RALY: variants seen among roughly 807,000 people sequenced by gnomAD.
RALY encodes the protein RALY heterogeneous nuclear ribonucleoprotein, also known as RNA-binding protein Raly.
In RALY, 15 loss-of-function variants were observed where a neutral mutation model predicts 30.7. The ratio of observed to expected loss-of-function variants is 0.49; its 90% CI spans 0.33 to 0.75. RALY has a LOEUF of 0.75. Among genes scored for constraint, RALY ranks in the 30% least tolerant of loss-of-function variants. RALY has a pLI of 0.02. For synonymous variants in RALY, 177 were observed against 170.8 expected (o/e 1.04, Z -0.28); for missense variants, 339 against 414.3 (o/e 0.82, Z 1.58).
chr20:34,030,540 G>T (rs764390121), intron 1 of RALY, among the ~76,000 whole-genome samples: 26 of 152,198 alleles, frequency 1.7e-4, no homozygotes, highest in Non-Finnish European at 2.6e-4. Context: ...TTGAAAGTTT[G>T]TCTCAGCTAG....
At chr20:34,026,658 C>A (rs899381391) in intron 1 of RALY, among the ~76,000 whole-genome samples, 2 of 151,924 alleles carry the variant, frequency 1.3e-5, no homozygotes, top group Admixed American at 6.6e-5. Context: ...GATCCGCCCG[C>A]CTTGGCCTCT....
chr20:34,011,938 C>T (rs747147899), intron 1 of RALY, among the ~76,000 whole-genome samples: 9 of 152,134 alleles, frequency 5.9e-5, no homozygotes, highest in Non-Finnish European at 1.2e-4. Context: ...TAGTGGCGCA[C>T]GCCTGTAGTC....
intron 2 of RALY, among the ~76,000 whole-genome samples, chr20:34,056,204 T>A (rs1466192980): frequency 6.6e-6 from 1 of 152,200 alleles, no homozygotes; most frequent in Non-Finnish European, 1.5e-5. Context: ...ATATTATTCA[T>A]TAAATGTGGG....
At chr20:34,072,741 C>G (rs1265036800) in intron 3 of RALY, among the ~76,000 whole-genome samples, 1 of 152,174 alleles carries the variant, frequency 6.6e-6, no homozygotes, top group South Asian at 2.1e-4. Context: ...GGTGTCATGT[C>G]CATGTGATAT....
chr20:34,020,656 C>T (rs2031784610), intron 1 of RALY, among the ~76,000 whole-genome samples: 1 of 152,210 alleles, frequency 6.6e-6, no homozygotes, highest in Admixed American at 6.5e-5. Flanking sequence ...AACACAGCCA[C>T]ACTCATTTGT....
chr20:34,013,926 C>T (rs577945555), intron 1 of RALY, among the ~76,000 whole-genome samples: 77 of 152,228 alleles, frequency 5.1e-4, no homozygotes, highest in African/African-American at 1.8e-3. Flanking sequence ...TGACAGTGCG[C>T]TTTAAAGAAG....
intron 1 of RALY, among the ~76,000 whole-genome samples, chr20:34,005,120 T>C (rs1235907676): frequency 6.6e-6 from 1 of 152,130 alleles, no homozygotes. Context: ...TCGCGGGGTG[T>C]TTGTCAAGAT....
At chr20:34,015,255 T>C (rs1301489894) in intron 1 of RALY, 2 of 152,224 alleles carry the variant, frequency 1.3e-5, no homozygotes, top group Non-Finnish European at 2.9e-5. Context: ...TTTACTTTTC[T>C]TCCTATTCTT....
At chr20:34,045,693 C>T (rs1035456382) in intron 2 of RALY, among the ~76,000 whole-genome samples, 1 of 152,234 alleles carries the variant, frequency 6.6e-6, no homozygotes, top group African/African-American at 2.4e-5. Context: ...ATTTTCTTCT[C>T]CCTCATGTAG....
At chr20:34,020,966 A>G (rs1263239225) in intron 1 of RALY, among the ~76,000 whole-genome samples, 5 of 150,136 alleles carry the variant, frequency 3.3e-5, no homozygotes, top group Non-Finnish European at 5.9e-5. Context: ...TTTTTTAATT[A>G]GTTTATTTTT....
chr20:34,077,576 G>A (rs1052052954), intron 8 of RALY: 8 of 430,696 alleles, frequency 1.9e-5, no homozygotes, highest in Non-Finnish European at 3.4e-5. Context: ...CAGGGCTGGG[G>A]TGGCTTGTGG....
intron 2 of RALY, among the ~76,000 whole-genome samples, chr20:34,039,619 T>C (rs1416675754): frequency 2.6e-5 from 4 of 152,230 alleles, no homozygotes; most frequent in African/African-American, 9.6e-5. Flanking sequence ...CTAGAGTATT[T>C]AGAATGCTCC....
rs139231784 is a variant in RALY, at chr20:34,006,631, A to ATT, written c.-93+12509_-93+12510dup. On this transcript the variant is annotated intron_variant, in intron 1 of 9. Transcript: ENST00000246194. Reference sequence around the variant, plus strand: ...AGTGGTCTAATATGATTGTAATACCATTTTTTTTTTACTGTACCCATTGTA... The same window carrying ATT: ...AGTGGTCTAATATGATTGTAATACCATTTTTTTTTTTTACTGTACCCATTGTA... Among the ~76,000 whole-genome samples the ATT allele has an allele frequency of 4.5e-3, 674 of 149,122 alleles. 8 individuals are homozygous for ATT. Among genetic ancestry groups the ATT allele is most frequent in the African/African-American group, 0.016 (653 of 40,952 alleles).
intron 1 of RALY, among the ~76,000 whole-genome samples, chr20:34,020,976 T>C (rs2123053022): frequency 6.6e-6 from 1 of 152,296 alleles, no homozygotes; most frequent in Admixed American, 6.5e-5. Context: ...AGTTTATTTT[T>C]TTTGAGACAG....
Position 34,081,402 on chromosome 20 carries a change from AC to A in RALY, c.*1500del. On this transcript the variant is annotated 3_prime_UTR_variant, in exon 10 of 10. Coordinates refer to ENST00000246194, the MANE Select transcript of RALY (RefSeq NM_016732.3). ...TCGCCACCTCTGAGAAGTCTCCCAG[AC>A]CCTCCGACTGCTCTTTAATTGCCTG... 6.6e-6 allele frequency: 1 copy of A among 151,830 alleles called. No individual in the cohort carries two copies. Among genetic ancestry groups the A allele is most frequent in the Non-Finnish European group, 1.5e-5 (1 of 67,996 alleles). The allele number at this position is 151,830 out of a possible 1,614,324, so 9.4% of individuals were successfully genotyped here.
At chr20:34,059,136 C>T (rs995903981) in intron 2 of RALY, among the ~76,000 whole-genome samples, 8 of 152,206 alleles carry the variant, frequency 5.3e-5, no homozygotes, top group South Asian at 4.2e-4. Flanking sequence ...TTCCTTCCTT[C>T]CCCTGTCTGA....
At position 34,077,256 on chromosome 20, in the gene RALY, G is replaced by A; in HGVS notation, c.876+11G>A. 6.2e-7 allele frequency: 1 copy of A among 1,613,582 alleles called. No individual in the cohort carries two copies. Among genetic ancestry groups the A allele is most frequent in the East Asian group, 2.2e-5 (1 of 44,872 alleles). ...AGCGAGGAAGAGCTGGTGAGGGCCT[G>A]GCCAGGGGCACGACTGGGACTCGAC... On this transcript the variant is annotated intron_variant, in intron 8 of 9. Coordinates refer to ENST00000246194, the MANE Select transcript of RALY (RefSeq NM_016732.3).
chr20:33,997,010 G>A (rs1339938455), intron 1 of RALY, among the ~76,000 whole-genome samples: 1 of 152,130 alleles, frequency 6.6e-6, no homozygotes, highest in Non-Finnish European at 1.5e-5. Flanking sequence ...AGGAACCCAG[G>A]CCTCTCTGAG....
At chr20:34,072,365 T>C in intron 3 of RALY, 35 bp downstream of exon 3, 1 of 1,588,696 alleles carries the variant, frequency 6.3e-7, no homozygotes, top group Non-Finnish European at 8.6e-7. Context: ...CCTAGTATTC[T>C]CTAGAATAGC....
Sources: allele counts gnomAD v4.1 joint callset (sites outside exome capture counted in the v4.1 genomes callset), GRCh38; gene constraint gnomAD v4.1.1; transcripts MANE v1.5; gene names NCBI Gene and HGNC (gene_info 2026-07-23, HGNC 2026-07-21).